The following DIAPH3 variants were observed in gnomAD, a reference collection of about 807,000 sequenced individuals.
DIAPH3 encodes the protein protein diaphanous homolog 3.
A neutral mutation model predicts 144.3 loss-of-function variants in DIAPH3; 117 were observed. That is an observed-to-expected ratio of 0.81 (90% CI 0.70 to 0.95). The LOEUF is 0.95. Ranked by LOEUF, DIAPH3 falls within the 40% of genes least tolerant of loss-of-function variation. The pLI, the probability that DIAPH3 is intolerant of heterozygous loss-of-function variation, is 0.00. For synonymous variants in DIAPH3, 519 were observed against 488.9 expected (o/e 1.06, Z -0.81); for missense variants, 1,421 against 1,412.7 (o/e 1.01, Z -0.09).
chr13:59,832,330 A>G (rs1210130870), intron 24 of DIAPH3, among the ~76,000 whole-genome samples: 1 of 151,878 alleles, frequency 6.6e-6, no homozygotes, highest in Non-Finnish European at 1.5e-5. Flanking sequence ...AACCTCAGCA[A>G]TAAAGTTTTC....
At chr13:60,080,403 C>A (rs1354984845) in intron 4 of DIAPH3, among the ~76,000 whole-genome samples, 1 of 151,812 alleles carries the variant, frequency 6.6e-6, no homozygotes, top group Non-Finnish European at 1.5e-5. Context: ...TGAAAATGAA[C>A]ATACTGTACA....
chr13:60,078,665 A>T (rs74609498), intron 4 of DIAPH3, among the ~76,000 whole-genome samples: 5,595 of 152,140 alleles, frequency 0.037, 137 homozygotes, highest in East Asian at 0.075. Flanking sequence ...CTGATTTAAG[A>T]GGCAAAATTT....
chr13:59,850,896 C>G (rs1300819746), intron 22 of DIAPH3, among the ~76,000 whole-genome samples: 1 of 147,258 alleles, frequency 6.8e-6, no homozygotes, highest in East Asian at 2.0e-4. Context: ...AGTTTACCAA[C>G]CAAAAAGAGT....
intron 1 of DIAPH3, among the ~76,000 whole-genome samples, chr13:60,150,022 T>A (rs531763467): frequency 3.9e-5 from 6 of 152,196 alleles, no homozygotes; most frequent in African/African-American, 1.4e-4. Context: ...ATGTTGTTTT[T>A]CAGTTTATTT....
At chr13:59,796,047 A>C (rs1271828694) in intron 25 of DIAPH3, among the ~76,000 whole-genome samples, 19 of 152,170 alleles carry the variant, frequency 1.2e-4, no homozygotes, top group Non-Finnish European at 2.9e-5. Flanking sequence ...ACTAGCTAAA[A>C]TGAGGGGTTT....
intron 22 of DIAPH3, among the ~76,000 whole-genome samples, chr13:59,846,273 G>A (rs1057433524): frequency 2.0e-5 from 3 of 151,696 alleles, no homozygotes; most frequent in Admixed American, 6.6e-5. Flanking sequence ...TCTCCTGGAG[G>A]TGTTGGTCAT....
At chr13:59,839,257 A>G in intron 23 of DIAPH3, 67 bp downstream of exon 23, 1 of 1,591,260 alleles carries the variant, frequency 6.3e-7, no homozygotes, top group South Asian at 1.1e-5. Context: ...AAAGACATCT[A>G]AAATATTAAA....
At chr13:59,824,833 C>G (rs939589639) in intron 24 of DIAPH3, among the ~76,000 whole-genome samples, 6 of 151,956 alleles carry the variant, frequency 3.9e-5, no homozygotes, top group African/African-American at 1.5e-4. Flanking sequence ...TCCAGATATT[C>G]AAGGTCTTAG....
chr13:59,877,684 G>A (rs1184919774), intron 21 of DIAPH3, among the ~76,000 whole-genome samples: 1 of 151,926 alleles, frequency 6.6e-6, no homozygotes, highest in Non-Finnish European at 1.5e-5. Context: ...TTGCCTTACA[G>A]AGTGTGACTC....
chr13:60,142,768 T>G (rs2059453532), intron 1 of DIAPH3, among the ~76,000 whole-genome samples: 1 of 152,004 alleles, frequency 6.6e-6, no homozygotes, highest in Non-Finnish European at 1.5e-5. Flanking sequence ...TTTTTATTAT[T>G]TTTTTTAGAG....
chr13:60,096,150 T>G (rs535625794), intron 3 of DIAPH3, among the ~76,000 whole-genome samples: 35 of 152,314 alleles, frequency 2.3e-4, no homozygotes, highest in African/African-American at 8.4e-4. Context: ...ATGAGATAGT[T>G]AGGGGATAAT....
At chr13:59,675,669 G>T (rs2032611845) in intron 27 of DIAPH3, among the ~76,000 whole-genome samples, 1 of 152,200 alleles carries the variant, frequency 6.6e-6, no homozygotes, top group South Asian at 2.1e-4. Context: ...CAATCCCAAA[G>T]TGCAGGTATC....
chr13:59,961,138 T>C (rs73212277), intron 17 of DIAPH3, among the ~76,000 whole-genome samples: 10,703 of 152,258 alleles, frequency 0.07, 422 homozygotes, highest in Admixed American at 0.11. Context: ...ACAGTGAACA[T>C]AGGCCATTTA....
intron 9 of DIAPH3, 40 bp from the exon 10 acceptor site, chr13:59,992,623 C>T (rs1416446469): frequency 5.4e-6 from 8 of 1,495,196 alleles, no homozygotes; most frequent in African/African-American, 1.4e-5. Flanking sequence ...GGGTTTCCAA[C>T]ATTAAAGAAA....
At chr13:59,747,126 G>C (rs2036746168) in intron 27 of DIAPH3, among the ~76,000 whole-genome samples, 1 of 151,978 alleles carries the variant, frequency 6.6e-6, no homozygotes, top group African/African-American at 2.4e-5. Context: ...AAATGACTGA[G>C]AAAATAACCA....
intron 2 of DIAPH3, among the ~76,000 whole-genome samples, chr13:60,115,746 T>C (rs2138097743): frequency 6.6e-6 from 1 of 152,258 alleles, no homozygotes; most frequent in African/African-American, 2.4e-5. Flanking sequence ...TTTAAATATA[T>C]TCAAGATATA....
intron 27 of DIAPH3, among the ~76,000 whole-genome samples, chr13:59,718,680 G>C (rs928308817): frequency 1.3e-5 from 2 of 151,992 alleles, no homozygotes; most frequent in African/African-American, 4.8e-5. Flanking sequence ...ATATATAATT[G>C]AGACATTTTC....
intron 27 of DIAPH3, among the ~76,000 whole-genome samples, chr13:59,700,459 CAG>C (rs537250692): frequency 6.6e-6 from 1 of 151,978 alleles, no homozygotes. Context: ...GAGGATGTGG[CAG>C]AGAGAGAGAG....
intron 24 of DIAPH3, among the ~76,000 whole-genome samples, chr13:59,817,119 G>A (rs996991471): frequency 2.6e-5 from 4 of 151,746 alleles, no homozygotes; most frequent in African/African-American, 9.7e-5. Context: ...GAGATTTCAT[G>A]GTCTCTAGTA....
Sources: gnomAD v4.1 joint callset for allele counts (sites outside exome capture counted in the v4.1 genomes callset) on GRCh38, gnomAD v4.1.1 for gene constraint, MANE v1.5 for transcripts, NCBI Gene and HGNC (gene_info 2026-07-23, HGNC 2026-07-21) for gene names.